PROKR2: variants seen among roughly 807,000 people sequenced by gnomAD.
PROKR2 encodes the protein prokineticin receptor 2, also known as G protein-coupled receptor 73-like 1.
A neutral mutation model predicts 23.4 loss-of-function variants in PROKR2; 26 were observed. The observed-to-expected ratio is 1.11, with a 90% CI of 0.81 to 1.54. The LOEUF (loss-of-function observed/expected upper bound fraction) is 1.54, where lower values mean the gene tolerates loss of function less well. Ranked by LOEUF, PROKR2 falls within the 40% of genes most tolerant of loss-of-function variation. The probability of loss-of-function intolerance (pLI) is 0.00; values close to 1 mark genes in which losing one functional copy is unlikely to be tolerated. For missense variants in PROKR2, 453 were observed against 511.5 expected, an observed-to-expected ratio of 0.89 and a Z score of 1.10; for synonymous variants, 212 against 201.2, an observed-to-expected ratio of 1.05 and a Z score of -0.45.
chr20:5,314,502 C>T, intron 1 of PROKR2, 125 bp from the exon 2 acceptor site: 1 of 815,528 alleles, frequency 1.2e-6, no homozygotes, highest in South Asian at 1.4e-5. Flanking sequence ...GTCCTGGATC[C>T]TGGAAGGAGG....
chr20:5,311,853 C>T (rs780752623), intron 2 of PROKR2, among the ~76,000 whole-genome samples: 5 of 152,334 alleles, frequency 3.3e-5, no homozygotes, highest in African/African-American at 9.6e-5. Flanking sequence ...TTTTGGAACT[C>T]GGACTGGCTC....
At chr20:5,305,409 G>A (rs139823592) in intron 2 of PROKR2, among the ~76,000 whole-genome samples, 6 of 152,330 alleles carry the variant, frequency 3.9e-5, no homozygotes, top group African/African-American at 1.4e-4. Flanking sequence ...CTTCTAGGAA[G>A]GTCTAGCTTA....
chr20:5,302,720 G>T lies in PROKR2; in HGVS notation c.475C>A (p.His159Asn), dbSNP rs781436398. ...TAATTCATCCGTGGTTTCAAGGGGT[G>T]AACGATGGCGAGATATCTGGTGGGG... ...IAIDRYLAIVHPLKPRMNYQT... is the reference protein window; with the variant it reads ...IAIDRYLAIVNPLKPRMNYQT... The change falls in exon 3 of 3, where the codon CAC becomes AAC. Residue 159 changes from histidine (H) to asparagine (N), a missense_variant. By Grantham distance (68) the His-to-Asn change is moderately conservative (BLOSUM62 1). Transcript: ENST00000678254. 1 of 1,613,774 alleles carries T rather than the reference G, an allele frequency of 6.2e-7. No homozygotes were observed. The highest frequency in any genetic ancestry group is 1.7e-5 in the Admixed American group (1 of 60,026).
In PROKR2 at chr20:5,316,943, C is replaced by G. The variant is rs950164697; in HGVS notation, c.-458G>C. 6.6e-6 allele frequency among the ~76,000 whole-genome samples: 1 copy of G among 152,268 alleles called. No homozygotes were observed. Among genetic ancestry groups the G allele is most frequent in the African/African-American group, 2.4e-5 (1 of 41,480 alleles). Reference sequence around the variant, plus strand: ...CCTCTCGCACGGATTTCAGCGCCTTCGCATCCCGTCTGAATCGGACCACAC... The same window carrying G: ...CCTCTCGCACGGATTTCAGCGCCTTGGCATCCCGTCTGAATCGGACCACAC... On this transcript the variant is annotated 5_prime_UTR_variant, in exon 1 of 3. Coordinates refer to ENST00000678254, the MANE Select transcript of PROKR2 (RefSeq NM_144773.4). This position sits in a 1 kb window ranked among gnomAD's most constrained non-coding sequence, Gnocchi z 5.0.
chr20:5,314,794 C>G (rs1301188480), intron 1 of PROKR2, among the ~76,000 whole-genome samples: 1 of 152,210 alleles, frequency 6.6e-6, no homozygotes, highest in Non-Finnish European at 1.5e-5. Context: ...TCCTCCAGCC[C>G]CCAACACATC....
Position 5,316,444 on chromosome 20 carries a change from C to G in PROKR2, c.-9+50G>C, listed in dbSNP as rs1293499295. ...GTCAGAGGCCCTTGTCCTAGCGACT[C>G]CCCCACCGCACCGACTGAGTCCCGG... On this transcript the variant is annotated intron_variant, in intron 1 of 2. Coordinates refer to ENST00000678254, the MANE Select transcript of PROKR2 (RefSeq NM_144773.4). This position sits in a 1 kb window ranked among gnomAD's most constrained non-coding sequence, Gnocchi z 5.0. 8.9e-6 allele frequency: 4 copies of G among 450,790 alleles called. No individual in the cohort carries two copies. Among genetic ancestry groups the G allele is most frequent in the South Asian group, 1.6e-5 (1 of 63,436 alleles). The allele number at this position is 450,790 out of a possible 1,614,324, so 27.9% of individuals were successfully genotyped here.
At chr20:5,312,282 T>A (rs1979471793) in intron 2 of PROKR2, among the ~76,000 whole-genome samples, 1 of 152,186 alleles carries the variant, frequency 6.6e-6, no homozygotes, top group Non-Finnish European at 1.5e-5. Context: ...AATTTTTGTA[T>A]TTTTAGTAGA....
chr20:5,316,909 C>T lies in PROKR2; in HGVS notation c.-424G>A, dbSNP rs1979703949. ...CCGCGCTGACGCGAGTCCCCGGCAGCGGGGGCAGCCTCTCGCACGGATTTC... is the reference window on the plus strand; with the variant it reads ...CCGCGCTGACGCGAGTCCCCGGCAGTGGGGGCAGCCTCTCGCACGGATTTC... On this transcript the variant is annotated 5_prime_UTR_variant, in exon 1 of 3. Transcript: ENST00000678254. This position sits in a 1 kb window ranked among gnomAD's most constrained non-coding sequence, Gnocchi z 5.0. 6.6e-6 allele frequency among the ~76,000 whole-genome samples: 1 copy of T among 152,248 alleles called. No individual in the cohort carries two copies. The highest frequency in any genetic ancestry group is 1.9e-4 in the East Asian group (1 of 5,202).
Position 5,301,752 on chromosome 20 carries a change from GT to G in PROKR2, c.*287del, listed in dbSNP as rs1419278167. Among the ~76,000 whole-genome samples, 2 of 152,186 alleles carry G rather than the reference GT, an allele frequency of 1.3e-5. No homozygotes were observed. Among genetic ancestry groups the G allele is most frequent in the Non-Finnish European group, 2.9e-5 (2 of 68,020 alleles). On this transcript the variant is annotated 3_prime_UTR_variant, in exon 3 of 3. Coordinates refer to ENST00000678254, the MANE Select transcript of PROKR2 (RefSeq NM_144773.4). Reference sequence around the variant, plus strand: ...GTCCCTGTCTAATCTCATTGGTGTGGTTTGCACACAGTACATGTTCAGTCCA... The same window carrying G: ...GTCCCTGTCTAATCTCATTGGTGTGGTTGCACACAGTACATGTTCAGTCCA...
At chr20:5,315,765 T>C (rs1979645013) in intron 1 of PROKR2, 1 of 441,426 alleles carries the variant, frequency 2.3e-6, no homozygotes, top group African/African-American at 2.0e-5. Context: ...CCCGGAGGTG[T>C]CTTCTCTCCA....
chr20:5,304,065 C>G (rs1196858767), intron 2 of PROKR2, among the ~76,000 whole-genome samples: 3 of 152,124 alleles, frequency 2.0e-5, no homozygotes, highest in Non-Finnish European at 4.4e-5. Context: ...TCTTCTGCAC[C>G]CCCTCCTTAT....
chr20:5,302,553 C>T lies in PROKR2; in HGVS notation c.642G>A (p.Val214=). ...AGGACTTGTAGTAGAGCTGCTGATC[C>T]ACAGGCCAGATCTGGCCACAGAAGA... ...EKIFCGQIWP[V]DQQLYYKSYF... is the part of the protein sequence containing the mutation. Residue 214 remains valine (V), a synonymous_variant, in exon 3 of 3, where the codon GTG becomes GTA. Transcript: ENST00000678254. 6.2e-7 allele frequency: 1 copy of T among 1,614,190 alleles called. No individual in the cohort carries two copies.
Position 5,302,153 on chromosome 20 carries a change from T to G in PROKR2, c.1042A>C (p.Met348Leu), listed in dbSNP as rs368145317. 43 of 1,614,082 alleles carry G rather than the reference T, an allele frequency of 2.7e-5. No homozygotes were observed. Among genetic ancestry groups the G allele is most frequent in the Non-Finnish European group, 3.6e-5 (42 of 1,180,034 alleles). Residue 348 changes from methionine (M) to leucine (L), a missense_variant, in exon 3 of 3, where the codon ATG (methionine) becomes CTG (leucine). Coordinates refer to ENST00000678254, the MANE Select transcript of PROKR2 (RefSeq NM_144773.4). ...TGGGAGGGACGCCAGTGCAGCAGCA[T>G]CATCTTCTTGAAGTACTTCATGGTG... Reference protein sequence around the residue: ...NNTMKYFKKMMLLHWRPSQRG... With the variant: ...NNTMKYFKKMLLLHWRPSQRG...
Position 5,302,490 on chromosome 20 carries a change from A to G in PROKR2, c.705T>C (p.Pro235=), listed in dbSNP as rs1331150354. Residue 235 remains proline (P), a synonymous_variant, in exon 3 of 3, where the codon CCT becomes CCC. Transcript: ENST00000678254. ...LFIFGVEFVG[P]VVTMTLCYAR... is the part of the protein sequence containing the mutation. The stretch of plus-strand genomic sequence containing the variant: ...CATAGCACAGGGTCATGGTGACCAC[A>G]GGGCCCACGAACTCGACACCAAAGA... 1.9e-6 allele frequency: 3 copies of G among 1,614,098 alleles called. No homozygotes were observed. The highest frequency in any genetic ancestry group is 2.2e-5 in the East Asian group (1 of 44,888).
At chr20:5,302,928 G>A (rs1979067201) in intron 2 of PROKR2, among the ~76,000 whole-genome samples, 192 bp from the exon 3 acceptor site, 1 of 152,210 alleles carries the variant, frequency 6.6e-6, no homozygotes, top group South Asian at 2.1e-4. Flanking sequence ...AACAGCACAG[G>A]CTTTGGGTCA....
chr20:5,303,935 C>G (rs1451484518), intron 2 of PROKR2, among the ~76,000 whole-genome samples: 1 of 152,124 alleles, frequency 6.6e-6, no homozygotes, highest in East Asian at 1.9e-4. Context: ...CACCTTGGAA[C>G]TTTTTCACAC....
intron 2 of PROKR2, among the ~76,000 whole-genome samples, chr20:5,311,433 A>G (rs1979439489): frequency 6.6e-6 from 1 of 152,202 alleles, no homozygotes; most frequent in Non-Finnish European, 1.5e-5. Flanking sequence ...GTGGTGTTGT[A>G]ACAAGGTGAT....
intron 2 of PROKR2, among the ~76,000 whole-genome samples, chr20:5,304,203 A>G (rs1979129551): frequency 1.3e-5 from 2 of 152,206 alleles, no homozygotes; most frequent in Non-Finnish European, 2.9e-5. Flanking sequence ...GCAGGAATTC[A>G]GCAACCTAGA....
chr20:5,309,676 T>C (rs1979359460), intron 2 of PROKR2, among the ~76,000 whole-genome samples: 1 of 152,232 alleles, frequency 6.6e-6, no homozygotes, highest in African/African-American at 2.4e-5. Flanking sequence ...GATTAGGATG[T>C]GGTTATCCTT....
Sources: allele counts gnomAD v4.1 joint callset (sites outside exome capture counted in the v4.1 genomes callset), GRCh38; gene constraint gnomAD v4.1.1; non-coding constraint Gnocchi (gnomAD v3.1); transcripts MANE v1.5; gene names NCBI Gene and HGNC (gene_info 2026-07-23, HGNC 2026-07-21).